Variants in NFIA observed in about 807,000 individuals in gnomAD.
NFIA encodes the protein nuclear factor 1 A-type.
NFIA carries 8 observed loss-of-function variants against 62.8 expected under a neutral mutation model. That is an observed-to-expected ratio of 0.13 (90% CI 0.07 to 0.23). NFIA has a LOEUF of 0.23. Among genes scored for constraint, NFIA ranks in the 10% least tolerant of loss-of-function variants. The pLI, the probability that NFIA is intolerant of heterozygous loss-of-function variation, is 1.00. For missense variants in NFIA, 410 were observed against 642.1 expected (o/e 0.64, Z 3.91); for synonymous variants, 235 against 238.1 (o/e 0.99, Z 0.12).
At chr1:61,283,169 T>C (rs1466080309) in intron 3 of NFIA, among the ~76,000 whole-genome samples, 1 of 152,272 alleles carries the variant, frequency 6.6e-6, no homozygotes, top group African/African-American at 2.4e-5. Context: ...ACAAGGAATG[T>C]ACTTCTTTTC....
chr1:61,148,194 A>G (rs1648144783), intron 2 of NFIA, among the ~76,000 whole-genome samples: 1 of 152,144 alleles, frequency 6.6e-6, no homozygotes, highest in Non-Finnish European at 1.5e-5. Flanking sequence ...TTGCAACATG[A>G]ATAGGAGAAT....
intron 2 of NFIA, among the ~76,000 whole-genome samples, chr1:61,138,392 G>A (rs1647258491): frequency 1.3e-5 from 2 of 152,052 alleles, no homozygotes; most frequent in South Asian, 4.1e-4. Context: ...CACTGCTCTG[G>A]CCAAAGTTAT....
At chr1:61,316,101 G>A (rs2782542) in intron 3 of NFIA, among the ~76,000 whole-genome samples, 22,434 of 152,036 alleles carry the variant, frequency 0.15, 2,202 homozygotes, top group Non-Finnish European at 0.22. Flanking sequence ...CCAAATTGTC[G>A]AGTTTATATT....
chr1:61,262,948 A>G (rs1656861875), intron 2 of NFIA, among the ~76,000 whole-genome samples: 1 of 152,126 alleles, frequency 6.6e-6, no homozygotes, highest in African/African-American at 2.4e-5. Flanking sequence ...ACCTTGCCGC[A>G]TATTGTTTCA....
intron 2 of NFIA, among the ~76,000 whole-genome samples, chr1:61,271,579 G>A (rs1657508960): frequency 6.6e-6 from 1 of 152,172 alleles, no homozygotes; most frequent in Non-Finnish European, 1.5e-5. Context: ...CCCCAGGGTG[G>A]TCTGGTGGAG....
chr1:61,356,064 G>A (rs953473163), intron 5 of NFIA, among the ~76,000 whole-genome samples: 12 of 152,186 alleles, frequency 7.9e-5, no homozygotes, highest in Non-Finnish European at 1.5e-4. Flanking sequence ...GGAGAATGAT[G>A]GACAATGGAG....
intron 2 of NFIA, among the ~76,000 whole-genome samples, chr1:61,190,117 T>C (rs1012367456): frequency 6.6e-5 from 10 of 152,224 alleles, no homozygotes; most frequent in Non-Finnish European, 1.2e-4. Context: ...CTCCATCAGT[T>C]ACCTCATTTA....
chr1:61,353,056 A>C (rs1159220456), intron 5 of NFIA, among the ~76,000 whole-genome samples: 2 of 152,128 alleles, frequency 1.3e-5, no homozygotes, highest in African/African-American at 4.8e-5. Context: ...TTTGGCAGGA[A>C]GTGAACACTG....
chr1:61,347,165 CTTTTTTTTTTTTT>C (rs869046737), intron 4 of NFIA, among the ~76,000 whole-genome samples: 10 of 70,138 alleles, frequency 1.4e-4, no homozygotes, highest in African/African-American at 5.9e-4. Flanking sequence ...CTGGATCCCA[CTTTTTTTTTTTTT>C]TTTTTTTTTT....
At chr1:61,421,324 G>A (rs1666609826) in intron 9 of NFIA, among the ~76,000 whole-genome samples, 1 of 152,154 alleles carries the variant, frequency 6.6e-6, no homozygotes, top group Non-Finnish European at 1.5e-5. Context: ...CTGGCACGTA[G>A]CAAGTGTTGA....
chr1:61,453,016 T>C (rs913898466), intron 10 of NFIA, among the ~76,000 whole-genome samples: 1 of 152,160 alleles, frequency 6.6e-6, no homozygotes, highest in East Asian at 1.9e-4. Context: ...AAGAAAAGTG[T>C]GCAGAGTGAA....
chr1:61,124,505 A>G (rs922833536), intron 2 of NFIA, among the ~76,000 whole-genome samples: 78 of 152,266 alleles, frequency 5.1e-4, no homozygotes, highest in Non-Finnish European at 2.2e-4. Flanking sequence ...ATGCAAGAGG[A>G]GCAGGCATTC....
intron 2 of NFIA, among the ~76,000 whole-genome samples, chr1:61,133,567 T>G (rs1647121362): frequency 6.6e-6 from 1 of 152,200 alleles, no homozygotes; most frequent in Admixed American, 6.5e-5. Flanking sequence ...GAATGTAAAT[T>G]GACAGCATTG....
At chr1:61,077,638 A>G, upstream of NFIA, 1 of 1,417,254 alleles carries the variant, frequency 7.1e-7, no homozygotes, top group Admixed American at 2.4e-5. Flanking sequence ...GGTACGTGGT[A>G]CATCTTAAAC....
rs188924531 is a variant in NFIA, at chr1:61,442,405, C to A, written c.1513-12898C>A. On this transcript the variant is annotated intron_variant, in intron 10 of 10. Transcript: ENST00000403491. The stretch of plus-strand genomic sequence containing the variant: ...CTGAATCTACCTACCCACACATGAA[C>A]AAGTATAAAACACTTTGAACTATCA... Among the ~76,000 whole-genome samples, 7 of 152,188 alleles carry A rather than the reference C, an allele frequency of 4.6e-5. No homozygotes were observed. In the East Asian group the frequency reaches 1.4e-3, roughly 29 times the overall value.
intron 3 of NFIA, among the ~76,000 whole-genome samples, chr1:61,300,948 G>T (rs1469051524): frequency 6.6e-6 from 1 of 151,924 alleles, no homozygotes; most frequent in Non-Finnish European, 1.5e-5. Context: ...TTGAACAAAG[G>T]TTCTACCATA....
intron 7 of NFIA, among the ~76,000 whole-genome samples, chr1:61,398,539 T>C (rs759296280): frequency 1.3e-5 from 2 of 152,204 alleles, no homozygotes; most frequent in African/African-American, 4.8e-5. Flanking sequence ...AAAACACTGG[T>C]GTTTTGCAAG....
intron 2 of NFIA, among the ~76,000 whole-genome samples, chr1:61,266,826 CT>C (rs751802452): frequency 5.9e-5 from 9 of 152,206 alleles, no homozygotes; most frequent in Non-Finnish European, 1.2e-4. Context: ...TAGCATGATG[CT>C]TTAACCAGTC....
intron 2 of NFIA, among the ~76,000 whole-genome samples, chr1:61,255,658 C>G (rs1373813160): frequency 2.0e-5 from 3 of 151,990 alleles, no homozygotes; most frequent in Non-Finnish European, 4.4e-5. Context: ...TTATTGTGTT[C>G]CATAGTGGAA....
Sources: gnomAD v4.1 joint callset for allele counts (sites outside exome capture counted in the v4.1 genomes callset) on GRCh38, gnomAD v4.1.1 for gene constraint, MANE v1.5 for transcripts, NCBI Gene and HGNC (gene_info 2026-07-23, HGNC 2026-07-21) for gene names.